CREB5: variants seen among roughly 807,000 people sequenced by gnomAD.
The protein encoded by CREB5 is cyclic AMP-responsive element-binding protein 5.
Under a neutral mutation model 57.1 loss-of-function variants are expected in CREB5, and 19 were observed. That is an observed-to-expected ratio of 0.33 (90% CI 0.23 to 0.49). The LOEUF is 0.49. Among genes scored for constraint, CREB5 ranks in the 20% least tolerant of loss-of-function variants. CREB5 has a pLI of 0.99. For missense variants in CREB5, 579 were observed against 671.6 expected (o/e 0.86, Z 1.52); for synonymous variants, 238 against 238.3 (o/e 1.00, Z 0.01).
At chr7:28,468,962 C>G (rs1017583739) in intron 1 of CREB5, among the ~76,000 whole-genome samples, 5 of 152,254 alleles carry the variant, frequency 3.3e-5, no homozygotes, top group African/African-American at 1.2e-4. Context: ...CTCTCGACTA[C>G]TATGTGATCT....
chr7:28,669,441 G>A (rs759522195), intron 5 of CREB5, among the ~76,000 whole-genome samples: 1 of 152,160 alleles, frequency 6.6e-6, no homozygotes, highest in Non-Finnish European at 1.5e-5. Context: ...TCCAAATAAA[G>A]CCTGAAGCTA....
At chr7:28,352,489 G>T (rs148149161) in intron 1 of CREB5, among the ~76,000 whole-genome samples, 1 of 152,332 alleles carries the variant, frequency 6.6e-6, no homozygotes, top group African/African-American at 2.4e-5. Flanking sequence ...GAGGTTTAAA[G>T]ATTGGGCAGC....
chr7:28,391,409 G>A (rs574435996), intron 1 of CREB5, among the ~76,000 whole-genome samples: 5 of 152,306 alleles, frequency 3.3e-5, no homozygotes, highest in East Asian at 1.9e-4. Context: ...CTACTAATCG[G>A]CCGTTATGTG....
chr7:28,817,271 G>A (rs189836670), intron 9 of CREB5, among the ~76,000 whole-genome samples: 16 of 152,292 alleles, frequency 1.1e-4, no homozygotes, highest in African/African-American at 3.6e-4. Context: ...ACCTGCAGCT[G>A]ACCAACATGT....
At chr7:28,417,163 G>A (rs1210310695) in intron 1 of CREB5, among the ~76,000 whole-genome samples, 2 of 152,166 alleles carry the variant, frequency 1.3e-5, no homozygotes, top group African/African-American at 4.8e-5. Flanking sequence ...CCGGTAGTGA[G>A]AGCTGCAAAT....
chr7:28,574,048 T>C (rs187930660), intron 5 of CREB5, among the ~76,000 whole-genome samples: 19 of 152,122 alleles, frequency 1.2e-4, no homozygotes, highest in African/African-American at 3.4e-4. Flanking sequence ...CTATGGAGAG[T>C]GTGGGAGGCA....
chr7:28,402,224 G>C (rs1257764474), intron 1 of CREB5, among the ~76,000 whole-genome samples: 1 of 152,112 alleles, frequency 6.6e-6, no homozygotes, highest in African/African-American at 2.4e-5. Flanking sequence ...TGAGTAGTGT[G>C]TGTTCATATC....
At chr7:28,786,095 T>G (rs543968379) in intron 7 of CREB5, among the ~76,000 whole-genome samples, 10 of 152,278 alleles carry the variant, frequency 6.6e-5, no homozygotes, top group African/African-American at 2.4e-4. Context: ...ACAGCCAACT[T>G]GTACTCAGTT....
At chr7:28,802,758 G>A (rs938884105) in intron 7 of CREB5, among the ~76,000 whole-genome samples, 3 of 152,244 alleles carry the variant, frequency 2.0e-5, no homozygotes, top group Non-Finnish European at 4.4e-5. Flanking sequence ...TCTTTAGAAC[G>A]GGGTTAGCAA....
intron 5 of CREB5, among the ~76,000 whole-genome samples, chr7:28,574,116 A>G (rs1182122109): frequency 2.0e-5 from 3 of 152,230 alleles, no homozygotes; most frequent in Non-Finnish European, 4.4e-5. Context: ...TGCCGGGAAG[A>G]GTGTCTTTGG....
At chr7:28,732,840 G>GTTGTT (rs1803736617) in intron 7 of CREB5, among the ~76,000 whole-genome samples, 1 of 97,088 alleles carries the variant, frequency 1.0e-5, no homozygotes, top group Non-Finnish European at 2.5e-5. Context: ...AAGGTTTAGG[G>GTTGTT]TTGTTTTTTT....
chr7:28,345,067 G>C (rs1786018126), intron 1 of CREB5, among the ~76,000 whole-genome samples: 1 of 152,118 alleles, frequency 6.6e-6, no homozygotes, highest in South Asian at 2.1e-4. Flanking sequence ...AATAGTAGGG[G>C]ACTTTAACAT....
At chr7:28,689,950 T>TTGG (rs1801165239) in intron 5 of CREB5, among the ~76,000 whole-genome samples, 1 of 120,000 alleles carries the variant, frequency 8.3e-6, no homozygotes, top group African/African-American at 3.8e-5. Context: ...GTGTGTGTTG[T>TTGG]TTTTGTCAAT....
intron 5 of CREB5, among the ~76,000 whole-genome samples, chr7:28,716,429 A>T (rs146846242): frequency 3.3e-5 from 5 of 152,290 alleles, no homozygotes; most frequent in African/African-American, 1.2e-4. Flanking sequence ...CCCTCTGGTG[A>T]CTAGGAATAC....
chr7:28,367,184 C>G (rs1786604840), intron 1 of CREB5, among the ~76,000 whole-genome samples: 1 of 123,516 alleles, frequency 8.1e-6, no homozygotes, highest in South Asian at 2.6e-4. Flanking sequence ...GGGTCCCCAT[C>G]CATCTCCTTT....
At chr7:28,451,466 G>A (rs1161729689) in intron 1 of CREB5, among the ~76,000 whole-genome samples, 1 of 151,152 alleles carries the variant, frequency 6.6e-6, no homozygotes, top group African/African-American at 2.4e-5. Context: ...GTGTGTGTGT[G>A]TGTGTGTGTG....
chr7:28,787,609 G>A (rs113040294), intron 7 of CREB5, among the ~76,000 whole-genome samples: 1 of 152,146 alleles, frequency 6.6e-6, no homozygotes, highest in Non-Finnish European at 1.5e-5. Context: ...CTCTGTTGCC[G>A]AGGCTAAAGC....
At chr7:28,327,141 TC>T in intron 1 of CREB5, among the ~76,000 whole-genome samples, 1 of 109,422 alleles carries the variant, frequency 9.1e-6, no homozygotes, top group Non-Finnish European at 1.7e-5. Context: ...AGGGTGAGAC[TC>T]CATCTCAAAA....
At chr7:28,787,824 G>C (rs1282719544) in intron 7 of CREB5, among the ~76,000 whole-genome samples, 1 of 152,166 alleles carries the variant, frequency 6.6e-6, no homozygotes, top group Non-Finnish European at 1.5e-5. Flanking sequence ...AAAGTGCTGG[G>C]ATTACAGGCA....
Sources: gnomAD v4.1 joint callset for allele counts (sites outside exome capture counted in the v4.1 genomes callset) on GRCh38, gnomAD v4.1.1 for gene constraint, MANE v1.5 for transcripts, NCBI Gene and HGNC (gene_info 2026-07-23, HGNC 2026-07-21) for gene names.